AUTS2: variants seen among roughly 807,000 people sequenced by gnomAD.
The protein encoded by AUTS2 is autism susceptibility gene 2 protein.
A neutral mutation model predicts 112.4 loss-of-function variants in AUTS2; 17 were observed. That is an observed-to-expected ratio of 0.15 (90% CI 0.10 to 0.23). The LOEUF (loss-of-function observed/expected upper bound fraction) is 0.23, where lower values mean the gene tolerates loss of function less well. Ranked by LOEUF, AUTS2 falls within the 10% of genes least tolerant of loss-of-function variation. The pLI is 1.00. For synonymous variants in AUTS2, 751 were observed against 702.7 expected, an observed-to-expected ratio of 1.07 and a Z score of -1.09; for missense variants, 1,510 against 1,701.6, an observed-to-expected ratio of 0.89 and a Z score of 1.98.
At chr7:70,464,162 C>T (rs190777762) in intron 5 of AUTS2, among the ~76,000 whole-genome samples, 1 of 152,330 alleles carries the variant, frequency 6.6e-6, no homozygotes, top group Non-Finnish European at 1.5e-5. Context: ...CCATCTATTG[C>T]ATTGCCTAAC....
At chr7:70,109,870 G>A (rs1804977411) in intron 2 of AUTS2, among the ~76,000 whole-genome samples, 1 of 152,082 alleles carries the variant, frequency 6.6e-6, no homozygotes, top group Non-Finnish European at 1.5e-5. Context: ...GATGGTGAGG[G>A]GGCCTTAGAA....
At chr7:70,011,172 A>T (rs963994371) in intron 2 of AUTS2, among the ~76,000 whole-genome samples, 7 of 152,156 alleles carry the variant, frequency 4.6e-5, no homozygotes, top group Non-Finnish European at 8.8e-5. Context: ...GCCACTGAGG[A>T]TGGAAAAGGT....
intron 5 of AUTS2, among the ~76,000 whole-genome samples, chr7:70,644,503 A>G (rs1806043005): frequency 6.6e-6 from 1 of 152,038 alleles, no homozygotes; most frequent in Non-Finnish European, 1.5e-5. Flanking sequence ...ACTGTCTCCC[A>G]CACCCTTTTC....
intron 5 of AUTS2, among the ~76,000 whole-genome samples, chr7:70,475,463 C>T (rs1468884854): frequency 6.6e-6 from 1 of 152,170 alleles, no homozygotes; most frequent in Non-Finnish European, 1.5e-5. Flanking sequence ...CCCTAGTGCT[C>T]CTAGGTCCAT....
At chr7:70,748,117 C>T (rs1334291342) in intron 6 of AUTS2, among the ~76,000 whole-genome samples, 6 of 151,226 alleles carry the variant, frequency 4.0e-5, no homozygotes, top group South Asian at 4.2e-4. Flanking sequence ...CATGAGCCAC[C>T]GCGCCTGGCC....
intron 4 of AUTS2, among the ~76,000 whole-genome samples, chr7:70,148,143 T>C (rs899452671): frequency 1.3e-5 from 2 of 152,078 alleles, no homozygotes; most frequent in African/African-American, 4.8e-5. Context: ...ATCTTCAAGA[T>C]TTTTCATACT....
chr7:69,778,536 A>G (rs1788998804), intron 1 of AUTS2, among the ~76,000 whole-genome samples: 1 of 152,182 alleles, frequency 6.6e-6, no homozygotes, highest in African/African-American at 2.4e-5. Flanking sequence ...TTACTGCTCT[A>G]ACGTGTCAGG....
chr7:70,088,503 C>G (rs556929309), intron 2 of AUTS2, among the ~76,000 whole-genome samples: 2 of 150,126 alleles, frequency 1.3e-5, no homozygotes, highest in East Asian at 3.9e-4. Context: ...TTGTTATTTC[C>G]TGTATTCTAC....
intron 5 of AUTS2, among the ~76,000 whole-genome samples, chr7:70,607,694 T>G (rs566874641): frequency 6.6e-6 from 1 of 152,350 alleles, no homozygotes; most frequent in Admixed American, 6.5e-5. Context: ...TGGCACATGT[T>G]CATGTTGATG....
chr7:70,245,508 T>C (rs1812877723), intron 4 of AUTS2, among the ~76,000 whole-genome samples: 1 of 152,226 alleles, frequency 6.6e-6, no homozygotes, highest in African/African-American at 2.4e-5. Context: ...AGATGGAATA[T>C]ATTCTGCAGT....
intron 1 of AUTS2, among the ~76,000 whole-genome samples, chr7:69,705,055 C>T (rs143925433): frequency 1.2e-3 from 189 of 152,214 alleles, no homozygotes; most frequent in African/African-American, 4.3e-3. Flanking sequence ...TTTGTAGAGA[C>T]GGGGTTTCAC....
chr7:70,606,810 C>T (rs11764833), intron 5 of AUTS2, among the ~76,000 whole-genome samples: 13,930 of 147,606 alleles, frequency 0.094, 749 homozygotes, highest in Middle Eastern at 0.17. Flanking sequence ...TGCAGTGAGT[C>T]GAGATTGTGC....
At chr7:69,673,795 A>G (rs1327084357) in intron 1 of AUTS2, among the ~76,000 whole-genome samples, 3 of 152,226 alleles carry the variant, frequency 2.0e-5, no homozygotes, top group Admixed American at 6.5e-5. Flanking sequence ...ATTAGTTTCT[A>G]TTCCACCATG....
rs376021661 is a variant in AUTS2 at position 70,065,454 on chromosome 7, GA to G, written c.523-52677del. Among the ~76,000 whole-genome samples, 130 of 152,190 alleles carry G rather than the reference GA, an allele frequency of 8.5e-4. 3 individuals carry two copies. The South Asian group carries it at 0.027, about 32-fold the overall frequency. On this transcript the variant is annotated intron_variant, in intron 2 of 18. Transcript: ENST00000342771. ...AACACCTGTAATCCCAGCACTTTGG[GA>G]GGCTGAGGCAGGTGGATCACCTGAG... is the stretch of plus-strand genomic sequence containing the variant.
At chr7:69,903,984 A>C (rs1010033452) in intron 2 of AUTS2, among the ~76,000 whole-genome samples, 1 of 152,232 alleles carries the variant, frequency 6.6e-6, no homozygotes, top group Non-Finnish European at 1.5e-5. Context: ...GTAGACACCA[A>C]AAGTGTCTAC....
At chr7:69,780,609 CT>C (rs1396314453) in intron 1 of AUTS2, among the ~76,000 whole-genome samples, 1 of 152,162 alleles carries the variant, frequency 6.6e-6, no homozygotes, top group African/African-American at 2.4e-5. Context: ...CACTGTGTGC[CT>C]GGCTGTTGTT....
At chr7:69,936,796 C>T (rs1057122278) in intron 2 of AUTS2, among the ~76,000 whole-genome samples, 21 of 152,116 alleles carry the variant, frequency 1.4e-4, no homozygotes, top group African/African-American at 4.3e-4. Context: ...GAGTCTAAAA[C>T]GTGAGCCAAA....
intron 2 of AUTS2, among the ~76,000 whole-genome samples, chr7:69,996,881 G>T (rs2129552180): frequency 6.8e-6 from 1 of 147,748 alleles, no homozygotes; most frequent in South Asian, 2.1e-4. Context: ...TACTAAATCT[G>T]GGCGTTAGAA....
chr7:70,306,446 A>C (rs1789498237), intron 4 of AUTS2, among the ~76,000 whole-genome samples: 1 of 152,216 alleles, frequency 6.6e-6, no homozygotes, highest in South Asian at 2.1e-4. Context: ...GACAAGAATG[A>C]TGCAATTTGC....
Sources: gnomAD v4.1 joint callset for allele counts (sites outside exome capture counted in the v4.1 genomes callset) on GRCh38, gnomAD v4.1.1 for gene constraint, MANE v1.5 for transcripts, NCBI Gene and HGNC (gene_info 2026-07-23, HGNC 2026-07-21) for gene names.